Variants in RAD54L2 observed in about 807,000 individuals in gnomAD.
RAD54L2 encodes the protein RAD54 like 2, also known as helicase ARIP4.
Under a neutral mutation model 138.4 loss-of-function variants are expected in RAD54L2, and 27 were observed. The observed-to-expected ratio is 0.20, with a 90% CI of 0.14 to 0.27. The LOEUF (loss-of-function observed/expected upper bound fraction) is 0.27, where lower values mean the gene tolerates loss of function less well. Among genes scored for constraint, RAD54L2 ranks in the 10% least tolerant of loss-of-function variants. RAD54L2 has a pLI of 1.00. For missense variants in RAD54L2, 1,396 were observed against 1,890.2 expected, an observed-to-expected ratio of 0.74 and a Z score of 4.85; for synonymous variants, 644 against 723.2, an observed-to-expected ratio of 0.89 and a Z score of 1.76.
intron 2 of RAD54L2, among the ~76,000 whole-genome samples, chr3:51,561,250 C>G (rs1699090309): frequency 6.6e-6 from 1 of 152,106 alleles, no homozygotes; most frequent in South Asian, 2.1e-4. Flanking sequence ...ATGAAATTCC[C>G]TATCTTTTTT....
In RAD54L2 at chr3:51,663,510, C is replaced by T; in HGVS notation, c.*90C>T. On this transcript the variant is annotated 3_prime_UTR_variant, in exon 23 of 23. Coordinates refer to ENST00000684192, the MANE Select transcript of RAD54L2 (RefSeq NM_015106.4). ...TGATTTAGACCTTTTGAGAATAGGA[C>T]ACTTGGCAGGAGGGAAAAGGAAGAG... The T allele has an allele frequency of 7.4e-7, 1 of 1,358,568 alleles. No homozygotes were observed. Among genetic ancestry groups the T allele is most frequent in the Non-Finnish European group, 9.9e-7 (1 of 1,012,562 alleles). 84.2% of individuals were successfully genotyped at this position (1,358,568 alleles called of 1,614,324 possible).
chr3:51,605,246 T>C (rs2106743548), intron 3 of RAD54L2, among the ~76,000 whole-genome samples: 1 of 149,414 alleles, frequency 6.7e-6, no homozygotes, highest in Admixed American at 6.7e-5. Flanking sequence ...CCCACCACCA[T>C]GCCCAGCTAA....
chr3:51,648,168 C>T (rs1040120796), intron 19 of RAD54L2, among the ~76,000 whole-genome samples: 4 of 152,192 alleles, frequency 2.6e-5, no homozygotes, highest in Non-Finnish European at 5.9e-5. Context: ...TCAGTGGGTC[C>T]CACACCCACG....
At chr3:51,544,054 T>C (rs901033778) in intron 2 of RAD54L2, among the ~76,000 whole-genome samples, 10 of 152,218 alleles carry the variant, frequency 6.6e-5, no homozygotes, top group African/African-American at 2.4e-4. Context: ...AAATTCCTTT[T>C]TACCATGTTT....
Position 51,637,887 on chromosome 3 carries a change from A to C in RAD54L2, c.1683-257A>C, listed in dbSNP as rs561692756. ...AGAGGCAGCCCAAATTAAAGTAAGA[A>C]CCTCAAGTTCCCCTGTCTCTGTCAT... is the stretch of plus-strand genomic sequence containing the variant. On this transcript the variant is annotated intron_variant, in intron 11 of 22. Transcript: ENST00000684192. The surrounding 1 kb of genome is among the most constrained non-coding windows in gnomAD (Gnocchi z 5.9). Among the ~76,000 whole-genome samples the C allele has an allele frequency of 6.6e-6, 1 of 152,204 alleles. No homozygotes were observed. The highest frequency in any genetic ancestry group is 2.1e-4 in the South Asian group (1 of 4,822).
chr3:51,622,147 A>T (rs1269847436), intron 3 of RAD54L2, among the ~76,000 whole-genome samples: 2 of 152,206 alleles, frequency 1.3e-5, no homozygotes, highest in Non-Finnish European at 2.9e-5. Context: ...ATTGGAGAGC[A>T]CTGTTTGAAG....
chr3:51,666,985 A>G lies in RAD54L2; in HGVS notation c.*3565A>G, dbSNP rs538693573. The G allele has an allele frequency of 7.2e-5, 11 of 152,282 alleles. No individual in the cohort carries two copies. In the East Asian group the frequency reaches 1.9e-3, roughly 27 times the overall value. The allele number at this position is 152,282 out of a possible 1,614,324, so 9.4% of individuals were successfully genotyped here. A position where few individuals can be genotyped will look rare whatever the true frequency, so the allele number is the denominator to read the frequency against. On this transcript the variant is annotated 3_prime_UTR_variant, in exon 23 of 23. Coordinates refer to ENST00000684192, the MANE Select transcript of RAD54L2 (RefSeq NM_015106.4). ...GCAGATTGGTTGAAACACTTAGCCA[A>G]ACTTAAGTGGCCTGGGTAGGACCAT...
rs747460250 is a variant in RAD54L2 at position 51,646,288 on chromosome 3, C to G, written c.2833C>G (p.Pro945Ala). Residue 945 changes from proline (P) to alanine (A), a missense_variant, in exon 19 of 23, where the codon CCT (proline) becomes GCT (alanine). Pro to Ala is a conservative substitution (Grantham distance 27). Coordinates refer to ENST00000684192, the MANE Select transcript of RAD54L2 (RefSeq NM_015106.4). ...CAACATCCTCCTGTGTCCCCAGGAGCCTTTCGAGCATGAGTCATTGCTCTT... is the reference window on the plus strand; with the variant it reads ...CAACATCCTCCTGTGTCCCCAGGAGGCTTTCGAGCATGAGTCATTGCTCTT... ...LKYPHLITKE[P>A]FEHESLLLNR... The G allele has an allele frequency of 4.4e-6, 7 of 1,580,566 alleles. No homozygotes were observed. The highest frequency in any genetic ancestry group is 1.9e-5 in the Admixed American group (1 of 54,034).
At chr3:51,549,148 C>T (rs1431144203) in intron 2 of RAD54L2, among the ~76,000 whole-genome samples, 3 of 152,128 alleles carry the variant, frequency 2.0e-5, no homozygotes, top group African/African-American at 7.2e-5. Flanking sequence ...CGCCCACCAC[C>T]ACGCCCAGCA....
In RAD54L2 at chr3:51,663,028, C is replaced by A; in HGVS notation, c.4012C>A (p.Leu1338Met). ...QLSNLLADAR[L>M]VFPVTTDPLV... ...GTCCAATTTGCTGGCAGATGCCCGC[C>A]TGGTGTTTCCAGTGACTACTGACCC... The change falls in exon 23 of 23, where the codon CTG becomes ATG. Residue 1338 changes from leucine (L) to methionine (M), a missense_variant. Physicochemically the swap from Leu to Met is conservative, Grantham distance 15 (BLOSUM62 2). Transcript: ENST00000684192. 1 of 1,614,010 alleles carries A rather than the reference C, an allele frequency of 6.2e-7. No individual in the cohort carries two copies. The highest frequency in any genetic ancestry group is 1.1e-5 in the South Asian group (1 of 91,084).
Position 51,641,861 on chromosome 3 carries a change from T to C in RAD54L2, c.2344T>C (p.Tyr782His). 1 of 1,576,806 alleles carries C rather than the reference T, an allele frequency of 6.3e-7. No homozygotes were observed. The highest frequency in any genetic ancestry group is 8.6e-7 in the Non-Finnish European group (1 of 1,159,388). The change falls in exon 15 of 23, where the codon TAC becomes CAC. Residue 782 changes from tyrosine (Y) to histidine (H), a missense_variant. Tyr to His is a moderately conservative substitution (Grantham distance 83). This residue lies in a region of RAD54L2 where 211 missense variants were observed against 273.8 expected (regional missense o/e 0.77). Transcript: ENST00000684192. ...ACAGAAGTGGGTTCGAAACATCAGC[T>C]ACTTCCGTGAGTTCATTGTTGCGTT... Reference protein sequence around the residue: ...GAQKWVRNISYFRLDGSTPAF... With the variant: ...GAQKWVRNISHFRLDGSTPAF...
chr3:51,581,564 G>C (rs1199013231), intron 2 of RAD54L2, among the ~76,000 whole-genome samples: 4 of 152,160 alleles, frequency 2.6e-5, no homozygotes, highest in African/African-American at 9.7e-5. Context: ...CGGCTATGAA[G>C]GGCAAAACAT....
At chr3:51,577,232 G>A (rs541714412) in intron 2 of RAD54L2, among the ~76,000 whole-genome samples, 14 of 152,082 alleles carry the variant, frequency 9.2e-5, no homozygotes, top group African/African-American at 3.1e-4. Context: ...ATTTCTGTTC[G>A]TTTACATTTG....
chr3:51,617,326 T>A (rs1308540952), intron 3 of RAD54L2, among the ~76,000 whole-genome samples: 5 of 152,232 alleles, frequency 3.3e-5, no homozygotes, highest in African/African-American at 1.2e-4. Flanking sequence ...ATTATACCAC[T>A]CTTTACTCCT....
chr3:51,558,410 A>G (rs1411614000), intron 2 of RAD54L2, among the ~76,000 whole-genome samples: 1 of 152,040 alleles, frequency 6.6e-6, no homozygotes, highest in Non-Finnish European at 1.5e-5. Flanking sequence ...TTAAATATCA[A>G]TTTCATTTCA....
intron 3 of RAD54L2, among the ~76,000 whole-genome samples, chr3:51,602,164 A>G (rs887579520): frequency 1.3e-5 from 2 of 151,994 alleles, no homozygotes; most frequent in Non-Finnish European, 2.9e-5. Flanking sequence ...GGCCCAGGGC[A>G]TTGTTTTTTT....
chr3:51,544,499 T>C (rs1349230672), intron 2 of RAD54L2, among the ~76,000 whole-genome samples: 4 of 152,356 alleles, frequency 2.6e-5, no homozygotes, highest in Non-Finnish European at 5.9e-5. Flanking sequence ...TTTACTGCTC[T>C]GAGTGCTTTG....
intron 3 of RAD54L2, among the ~76,000 whole-genome samples, chr3:51,618,706 A>G (rs546067961): frequency 8.5e-5 from 13 of 152,226 alleles, no homozygotes; most frequent in Non-Finnish European, 1.8e-4. Context: ...TGACGCTGTA[A>G]TGACTTGGGG....
intron 3 of RAD54L2, among the ~76,000 whole-genome samples, chr3:51,595,527 C>G (rs1000694002): frequency 6.6e-6 from 1 of 152,122 alleles, no homozygotes; most frequent in African/African-American, 2.4e-5. Context: ...TACAATAAGT[C>G]AGGCCATTGT....
Sources: allele counts gnomAD v4.1 joint callset (sites outside exome capture counted in the v4.1 genomes callset), GRCh38; gene constraint gnomAD v4.1.1; regional missense constraint gnomAD v4.1.1; non-coding constraint Gnocchi (gnomAD v3.1); transcripts MANE v1.5; gene names NCBI Gene and HGNC (gene_info 2026-07-23, HGNC 2026-07-21).